Variants in TOM1 observed in about 807,000 individuals in gnomAD.
TOM1 encodes target of Myb protein 1.
A neutral mutation model predicts 61.3 loss-of-function variants in TOM1; 38 were observed. The observed-to-expected ratio is 0.62, with a 90% CI of 0.48 to 0.81. TOM1 has a LOEUF of 0.81. Among genes scored for constraint, TOM1 ranks in the 40% least tolerant of loss-of-function variants. The pLI is 0.00. For missense variants in TOM1, 591 were observed against 659.6 expected (o/e 0.90, Z 1.14); for synonymous variants, 270 against 268.8 (o/e 1.00, Z -0.04).
Position 35,323,467 on chromosome 22 carries a change from A to T in TOM1, c.367-29A>T. The T allele has an allele frequency of 6.2e-7, 1 of 1,611,410 alleles. No individual in the cohort carries two copies. The highest frequency in any genetic ancestry group is 8.5e-7 in the Non-Finnish European group (1 of 1,178,934). On this transcript the variant is annotated intron_variant, in intron 4 of 14. Transcript: ENST00000449058. This position sits in a 1 kb window ranked among gnomAD's most constrained non-coding sequence, Gnocchi z 4.2. ...GCAGGCTCACAGGTGAGCTGTGGTT[A>T]CCGGCTGTGTCCCCTTGTCCCCTCT...
chr22:35,346,356 A>G (rs8136060), intron 13 of TOM1, among the ~76,000 whole-genome samples: 4 of 152,248 alleles, frequency 2.6e-5, no homozygotes, highest in Non-Finnish European at 4.4e-5. Flanking sequence ...CAAGGCCCAC[A>G]TGGGCACTTC....
chr22:35,314,350 C>T (rs533467935), intron 1 of TOM1, among the ~76,000 whole-genome samples: 38 of 152,102 alleles, frequency 2.5e-4, no homozygotes, highest in Non-Finnish European at 5.0e-4. Context: ...CCGCAGAAAA[C>T]CTCCGTCTTC....
At chr22:35,340,259 A>G (rs1195957529) in intron 12 of TOM1, among the ~76,000 whole-genome samples, 1 of 152,190 alleles carries the variant, frequency 6.6e-6, no homozygotes, top group African/African-American at 2.4e-5. Context: ...GGCTCAAGGC[A>G]GCATGGGGAC....
At chr22:35,318,381 G>A (rs1291353742) in intron 2 of TOM1, 1 of 192,338 alleles carries the variant, frequency 5.2e-6, no homozygotes, top group Non-Finnish European at 1.1e-5. Context: ...ATTTCCTTAA[G>A]ATTTGAAACC....
intron 11 of TOM1, among the ~76,000 whole-genome samples, chr22:35,338,253 A>G (rs5999800): frequency 6.6e-6 from 1 of 152,186 alleles, no homozygotes; most frequent in Non-Finnish European, 1.5e-5. Context: ...GAGCCAGTGC[A>G]AGACAAGATG....
At position 35,323,905 on chromosome 22, in the gene TOM1, C is replaced by A. The variant is rs142456405; in HGVS notation, c.639C>A (p.Thr213=). 8.9e-6 allele frequency: 14 copies of A among 1,565,112 alleles called. No homozygotes were observed. The highest frequency in any genetic ancestry group is 3.5e-6 in the Non-Finnish European group (4 of 1,153,454). The stretch of plus-strand genomic sequence containing the variant: ...CCGGTGACACGCCCATAGCACCAAC[C>A]CCGGAACAGGTAAACGAGCCTGGGG... The part of the protein sequence containing the change: ...ILSGDTPIAP[T]PEQIGKLRSE... The change falls in exon 6 of 15, where the codon ACC becomes ACA. Residue 213 remains threonine (T), a synonymous_variant. Coordinates refer to ENST00000449058, the MANE Select transcript of TOM1 (RefSeq NM_005488.3). This position sits in a 1 kb window ranked among gnomAD's most constrained non-coding sequence, Gnocchi z 4.2.
At chr22:35,312,243 CAA>C (rs61692841) in intron 1 of TOM1, among the ~76,000 whole-genome samples, 30,923 of 116,672 alleles carry the variant, frequency 0.27, 5,916 homozygotes, top group African/African-American at 0.52. Flanking sequence ...GACTCCGTCT[CAA>C]AAAAAAAAAA....
chr22:35,300,128 C>G, intron 1 of TOM1, 148 bp downstream of exon 1: 1 of 878,064 alleles, frequency 1.1e-6, no homozygotes, highest in East Asian at 2.7e-5. Context: ...CCCAGCTTTC[C>G]TCCCACTCTT....
chr22:35,334,272 C>G, intron 10 of TOM1, 56 bp from the exon 11 acceptor site: 1 of 1,570,348 alleles, frequency 6.4e-7, no homozygotes, highest in South Asian at 1.2e-5. Flanking sequence ...AGCTCAGCAG[C>G]AGCTCACACA....
chr22:35,323,105 G>A lies in TOM1; in HGVS notation c.294G>A (p.Val98=). The change falls in exon 4 of 15, where the codon GTG becomes GTA. Residue 98 remains valine, a synonymous_variant. Transcript: ENST00000449058. This position sits in a 1 kb window ranked among gnomAD's most constrained non-coding sequence, Gnocchi z 4.2. The stretch of plus-strand genomic sequence containing the variant: ...CCAGCCAGGACTTCGTGGAGAGTGT[G>A]CTGGTGAGGACCATCCTGCCCAAGA... ...LVASQDFVES[V]LVRTILPKNN... 1 of 1,614,202 alleles carries A rather than the reference G, an allele frequency of 6.2e-7. No homozygotes were observed.
chr22:35,343,245 CCACA>C (rs879730411), intron 12 of TOM1, among the ~76,000 whole-genome samples: 2 of 139,150 alleles, frequency 1.4e-5, no homozygotes, highest in African/African-American at 5.4e-5. Context: ...TCTACACCCA[CCACA>C]CACACCTCCA....
At chr22:35,326,635 G>C (rs1438010412) in intron 6 of TOM1, among the ~76,000 whole-genome samples, 2 of 152,234 alleles carry the variant, frequency 1.3e-5, no homozygotes, top group Admixed American at 1.3e-4. Context: ...CAGAAGCCCA[G>C]TCCACTAGGA....
intron 13 of TOM1, among the ~76,000 whole-genome samples, chr22:35,346,532 C>A (rs1013277346): frequency 6.6e-6 from 1 of 152,188 alleles, no homozygotes; most frequent in Non-Finnish European, 1.5e-5. Flanking sequence ...CCTTTCCCCC[C>A]CAGGGGTGAG....
At chr22:35,318,094 T>TG in intron 2 of TOM1, 133 bp downstream of exon 2, 1 of 795,464 alleles carries the variant, frequency 1.3e-6, no homozygotes. Flanking sequence ...CCAACCCGCT[T>TG]GGCTGCAGAG....
intron 1 of TOM1, among the ~76,000 whole-genome samples, chr22:35,312,941 G>A (rs1327559521): frequency 6.6e-6 from 1 of 152,190 alleles, no homozygotes; most frequent in East Asian, 1.9e-4. Flanking sequence ...GGCCTGGGGA[G>A]GTGGCAGCTT....
At chr22:35,340,834 C>T (rs1929812930) in intron 12 of TOM1, among the ~76,000 whole-genome samples, 1 of 152,206 alleles carries the variant, frequency 6.6e-6, no homozygotes, top group Non-Finnish European at 1.5e-5. Context: ...CCCCCAAGGG[C>T]ACTCTCTCCG....
In TOM1 at chr22:35,323,526, G is replaced by A. The variant is rs771648997; in HGVS notation, c.397G>A (p.Asp133Asn). 18 of 1,614,024 alleles carry A rather than the reference G, an allele frequency of 1.1e-5. No individual in the cohort carries two copies. Among genetic ancestry groups the A allele is most frequent in the East Asian group, 2.2e-5 (1 of 44,882 alleles). The stretch of plus-strand genomic sequence containing the variant: ...GGCTGACGCGTTCCGCAGCTCGCCC[G>A]ATCTGACAGGTGTGGTCACCATCTA... ...SWADAFRSSP[D>N]LTGVVTIYED... Residue 133 changes from aspartate (D) to asparagine (N), a missense_variant, in exon 5 of 15, where the codon GAT becomes AAT. Coordinates refer to ENST00000449058, the MANE Select transcript of TOM1 (RefSeq NM_005488.3). This position sits in a 1 kb window ranked among gnomAD's most constrained non-coding sequence, Gnocchi z 4.2.
chr22:35,332,791 G>A (rs1928953171), intron 8 of TOM1, among the ~76,000 whole-genome samples, 190 bp from the exon 9 acceptor site: 1 of 152,154 alleles, frequency 6.6e-6, no homozygotes, highest in South Asian at 2.1e-4. Context: ...AAGGGAAAGA[G>A]GAGCACTGCT....
intron 1 of TOM1, among the ~76,000 whole-genome samples, chr22:35,306,804 C>G (rs1926367046): frequency 1.3e-5 from 2 of 152,198 alleles, no homozygotes; most frequent in African/African-American, 4.8e-5. Context: ...GACTCCAGTG[C>G]AGCCTTTGTG....
Sources: gnomAD v4.1 joint callset for allele counts (sites outside exome capture counted in the v4.1 genomes callset) on GRCh38, gnomAD v4.1.1 for gene constraint, Gnocchi (gnomAD v3.1) non-coding constraint, MANE v1.5 for transcripts, NCBI Gene and HGNC (gene_info 2026-07-23, HGNC 2026-07-21) for gene names.